Variants in LAPTM5 observed in about 807,000 individuals in gnomAD.
The protein encoded by LAPTM5 is lysosomal protein transmembrane 5, also known as lysosomal-associated transmembrane protein 5.
A neutral mutation model predicts 30.1 loss-of-function variants in LAPTM5; 11 were observed. The ratio of observed to expected loss-of-function variants is 0.37; its 90% CI spans 0.23 to 0.60. The LOEUF (loss-of-function observed/expected upper bound fraction) is 0.60. LAPTM5 is among the 20% of genes least tolerant of loss of function. The probability of loss-of-function intolerance (pLI) is 0.71; values close to 1 mark genes in which losing one functional copy is unlikely to be tolerated. For missense variants in LAPTM5, 324 were observed against 332.5 expected (o/e 0.97, Z 0.20); for synonymous variants, 151 against 137.9 (o/e 1.10, Z -0.67).
chr1:30,740,481 C>T (rs1639954591), intron 3 of LAPTM5, among the ~76,000 whole-genome samples: 1 of 148,574 alleles, frequency 6.7e-6, no homozygotes, highest in Non-Finnish European at 1.5e-5. Flanking sequence ...TCCAAAGTCA[C>T]AGTAAGAGGC....
chr1:30,748,770 C>T (rs1014083556), intron 1 of LAPTM5, among the ~76,000 whole-genome samples: 18 of 152,368 alleles, frequency 1.2e-4, no homozygotes, highest in African/African-American at 3.6e-4. Flanking sequence ...CCGCAGTTCT[C>T]GTCCTCACCC....
Position 30,733,531 on chromosome 1 carries a change from C to A in LAPTM5, c.*297G>T. ...AGTCGATAGTTGCTTGACAAACTCA[C>A]CAACTTTAGAATGGCCAATCGTCTA... On this transcript the variant is annotated 3_prime_UTR_variant, in exon 8 of 8. Coordinates refer to ENST00000294507, the MANE Select transcript of LAPTM5 (RefSeq NM_006762.3). The A allele has an allele frequency of 6.9e-7, 1 of 1,439,640 alleles. No individual in the cohort carries two copies. Among genetic ancestry groups the A allele is most frequent in the East Asian group, 3.0e-5 (1 of 33,420 alleles). The allele number at this position is 1,439,640 out of a possible 1,614,324, so 89.2% of individuals were successfully genotyped here.
chr1:30,745,027 C>T (rs1310243978), intron 1 of LAPTM5, among the ~76,000 whole-genome samples: 5 of 152,028 alleles, frequency 3.3e-5, no homozygotes, highest in Admixed American at 3.3e-4. Flanking sequence ...GGACATTACC[C>T]GACTTTAGAG....
intron 2 of LAPTM5, chr1:30,742,214 G>A (rs1031812797): frequency 3.6e-6 from 2 of 562,578 alleles, no homozygotes; most frequent in African/African-American, 3.8e-5. Context: ...TTACCAGCTG[G>A]TGGGGATTTG....
chr1:30,738,568 G>A (rs1569855954), intron 5 of LAPTM5, among the ~76,000 whole-genome samples: 3 of 152,324 alleles, frequency 2.0e-5, no homozygotes, highest in South Asian at 4.1e-4. Context: ...CAGAAGCTGT[G>A]TGAAATAATA....
intron 1 of LAPTM5, 111 bp from the exon 2 acceptor site, chr1:30,742,660 C>T: frequency 1.3e-6 from 1 of 794,918 alleles, no homozygotes; most frequent in Non-Finnish European, 2.1e-6. Flanking sequence ...GATCCTGGAG[C>T]AGATGGCATG....
intron 1 of LAPTM5, among the ~76,000 whole-genome samples, chr1:30,753,621 C>G (rs977577780): frequency 2.0e-5 from 3 of 151,980 alleles, no homozygotes; most frequent in African/African-American, 7.2e-5. Context: ...TTATCAAAAA[C>G]AAGAAAAATC....
intron 7 of LAPTM5, 121 bp from the exon 8 acceptor site, chr1:30,734,038 C>A: frequency 9.1e-7 from 1 of 1,093,528 alleles, no homozygotes; most frequent in Non-Finnish European, 1.3e-6. Flanking sequence ...ACTGGCAGGT[C>A]TTGGATATTT....
chr1:30,757,705 C>A lies in LAPTM5; in HGVS notation c.41G>T (p.Cys14Phe). Residue 14 changes from cysteine (C) to phenylalanine (F), a missense_variant, in exon 1 of 8, where the codon TGC (cysteine) becomes TTC (phenylalanine). Physicochemically the swap from Cys to Phe is radical, Grantham distance 205. Coordinates refer to ENST00000294507, the MANE Select transcript of LAPTM5 (RefSeq NM_006762.3). ...RLSTVRQTCC[C>F]FNVRIATTAL... ...GGTGGTTGCGATGCGGACATTGAAG[C>A]AGCAGCAGGTCTGGCGGACAGTGGA... The A allele has an allele frequency of 2.5e-6, 4 of 1,613,892 alleles. No homozygotes were observed. The South Asian group carries it at 4.4e-5, about 18-fold the overall frequency.
intron 1 of LAPTM5, among the ~76,000 whole-genome samples, chr1:30,748,628 C>G (rs1450696244): frequency 1.3e-5 from 2 of 152,238 alleles, no homozygotes; most frequent in Non-Finnish European, 2.9e-5. Context: ...AGAGCACTAT[C>G]TCCCCAACCA....
rs1639848523 is a variant in LAPTM5 at position 30,733,785 on chromosome 1, C to T, written c.*43G>A. ...CAAAGCAAAAAAGCAGATTATGAGG[C>T]AGCTCCACCCCTCCCAGCACTGGGG... On this transcript the variant is annotated 3_prime_UTR_variant, in exon 8 of 8. Transcript: ENST00000294507. 1.3e-6 allele frequency: 2 copies of T among 1,586,288 alleles called. No homozygotes were observed. Among genetic ancestry groups the T allele is most frequent in the Non-Finnish European group, 1.7e-6 (2 of 1,169,498 alleles).
At chr1:30,736,927 G>A (rs140666064) in intron 6 of LAPTM5, among the ~76,000 whole-genome samples, 59 of 152,254 alleles carry the variant, frequency 3.9e-4, no homozygotes, top group Admixed American at 2.1e-3. Flanking sequence ...CAGCAGTCAG[G>A]TCCCCCTTGA....
At chr1:30,748,706 G>T (rs535165609) in intron 1 of LAPTM5, among the ~76,000 whole-genome samples, 1 of 152,174 alleles carries the variant, frequency 6.6e-6, no homozygotes, top group East Asian at 1.9e-4. Context: ...GCAGCAGCCC[G>T]GCCTGGCTGC....
intron 1 of LAPTM5, among the ~76,000 whole-genome samples, chr1:30,752,859 C>T (rs1419021110): frequency 6.6e-6 from 1 of 152,030 alleles, no homozygotes; most frequent in Admixed American, 6.5e-5. Context: ...CAGGCTAGAG[C>T]GCAGTGGCGC....
intron 7 of LAPTM5, among the ~76,000 whole-genome samples, chr1:30,734,578 G>A (rs1639860244): frequency 6.6e-6 from 1 of 152,250 alleles, no homozygotes; most frequent in African/African-American, 2.4e-5. Flanking sequence ...AAGTCAGATT[G>A]AGTTGGGTTT....
In LAPTM5 at chr1:30,733,744, A is replaced by G; in HGVS notation, c.*84T>C. On this transcript the variant is annotated 3_prime_UTR_variant, in exon 8 of 8. Coordinates refer to ENST00000294507, the MANE Select transcript of LAPTM5 (RefSeq NM_006762.3). Reference sequence around the variant, plus strand: ...CAGGGAGGGGCGGGAGGGCCCACCCAGGCCACAGGGGCCACCAAAGCAAAA... The same window carrying G: ...CAGGGAGGGGCGGGAGGGCCCACCCGGGCCACAGGGGCCACCAAAGCAAAA... 1 of 1,539,454 alleles carries G rather than the reference A, an allele frequency of 6.5e-7. No homozygotes were observed. The highest frequency in any genetic ancestry group is 8.7e-7 in the Non-Finnish European group (1 of 1,147,374).
chr1:30,749,051 G>A (rs1433511386), intron 1 of LAPTM5, among the ~76,000 whole-genome samples: 3 of 152,236 alleles, frequency 2.0e-5, no homozygotes, highest in Non-Finnish European at 4.4e-5. Context: ...GAGCCTGGTG[G>A]CCATGGCTGC....
chr1:30,755,452 G>T (rs1569878958), intron 1 of LAPTM5, among the ~76,000 whole-genome samples: 1 of 151,982 alleles, frequency 6.6e-6, no homozygotes, highest in South Asian at 2.1e-4. Context: ...TGTCTCTATT[G>T]TGTCCCTGTA....
chr1:30,745,454 C>T (rs1273658214), intron 1 of LAPTM5, among the ~76,000 whole-genome samples: 2 of 152,170 alleles, frequency 1.3e-5, no homozygotes, highest in Non-Finnish European at 2.9e-5. Flanking sequence ...CCCTCAGCCC[C>T]AGCACCAGGC....
Sources: allele counts gnomAD v4.1 joint callset (sites outside exome capture counted in the v4.1 genomes callset), GRCh38; gene constraint gnomAD v4.1.1; transcripts MANE v1.5; gene names NCBI Gene and HGNC (gene_info 2026-07-23, HGNC 2026-07-21).